Variants in ZFHX3 observed in about 807,000 individuals in gnomAD.
The protein encoded by ZFHX3 is zinc finger homeobox protein 3.
A neutral mutation model predicts 279.1 loss-of-function variants in ZFHX3; 42 were observed. The observed-to-expected ratio is 0.15, with a 90% confidence interval of 0.12 to 0.19. ZFHX3 has a LOEUF of 0.19. ZFHX3 is among the 10% of genes least tolerant of loss of function. The pLI, the probability that ZFHX3 is intolerant of heterozygous loss-of-function variation, is 1.00. For missense variants in ZFHX3, 4,981 were observed against 4,754.0 expected, an observed-to-expected ratio of 1.05 and a Z score of -1.40; for synonymous variants, 2,293 against 1,957.8, an observed-to-expected ratio of 1.17 and a Z score of -4.52.
At chr16:73,655,158 G>A (rs2052710735) in intron 2 of ZFHX3, among the ~76,000 whole-genome samples, 1 of 152,144 alleles carries the variant, frequency 6.6e-6, no homozygotes, top group South Asian at 2.1e-4. Context: ...ACCACACCCG[G>A]CCGTAATCAT....
chr16:73,840,360 C>T (rs1961271801), intron 1 of ZFHX3, among the ~76,000 whole-genome samples: 1 of 152,144 alleles, frequency 6.6e-6, no homozygotes, highest in Non-Finnish European at 1.5e-5. Context: ...AGTGGGACCA[C>T]CCCTTTAATG....
At position 73,092,896 on chromosome 16, in the gene ZFHX3, C is replaced by T. The variant is rs148823748; in HGVS notation, c.-533+339G>A. The stretch of plus-strand genomic sequence containing the variant: ...AATCTGAGAGGCTGTGTGTGTCCCA[C>T]GCGCTCCTGTTTTCCCAGCCACCCA... On this transcript the variant is annotated intron_variant, in intron 8 of 17. Transcript: ENST00000641206. 90 of 519,500 alleles carry T rather than the reference C, an allele frequency of 1.7e-4. No homozygotes were observed. The East Asian group carries it at 2.7e-3, about 15-fold the overall frequency. 32.2% of individuals were successfully genotyped at this position (519,500 alleles called of 1,614,324 possible).
chr16:73,378,577 T>TAA (rs2016764956), intron 3 of ZFHX3, among the ~76,000 whole-genome samples: 1 of 152,194 alleles, frequency 6.6e-6, no homozygotes, highest in Non-Finnish European at 1.5e-5. Context: ...AAATTTAAGA[T>TAA]AAAAGACATG....
At chr16:73,017,021 T>C (rs1024796490) in intron 1 of ZFHX3, among the ~76,000 whole-genome samples, 1 of 151,822 alleles carries the variant, frequency 6.6e-6, no homozygotes, top group Admixed American at 6.6e-5. Context: ...AGCCCAAGAT[T>C]TCAAGACCAG....
At chr16:73,677,191 A>G (rs2052963633) in intron 2 of ZFHX3, among the ~76,000 whole-genome samples, 1 of 150,884 alleles carries the variant, frequency 6.6e-6, no homozygotes, top group Admixed American at 6.7e-5. Context: ...CATCACAGGT[A>G]TATTTTAGGA....
chr16:73,879,859 G>T (rs959597599), intron 1 of ZFHX3, among the ~76,000 whole-genome samples: 1 of 151,894 alleles, frequency 6.6e-6, no homozygotes, highest in Non-Finnish European at 1.5e-5. Context: ...CAATCAACAA[G>T]GTCTCCAGAC....
At chr16:73,121,228 A>G (rs1672835835) in intron 7 of ZFHX3, among the ~76,000 whole-genome samples, 2 of 152,362 alleles carry the variant, frequency 1.3e-5, no homozygotes, top group South Asian at 4.1e-4. Flanking sequence ...ATACAAATTG[A>G]GATGTACTGT....
chr16:73,553,709 G>A (rs2020235530), intron 2 of ZFHX3, among the ~76,000 whole-genome samples: 1 of 152,198 alleles, frequency 6.6e-6, no homozygotes, highest in Non-Finnish European at 1.5e-5. Flanking sequence ...AAGCCGACTT[G>A]AGGACACGAT....
intron 8 of ZFHX3, among the ~76,000 whole-genome samples, chr16:73,066,047 C>A (rs776682468): frequency 3.3e-5 from 5 of 152,238 alleles, no homozygotes; most frequent in Non-Finnish European, 5.9e-5. Context: ...AGCGCACTGA[C>A]TGGGGCTCTG....
intron 4 of ZFHX3, among the ~76,000 whole-genome samples, chr16:73,313,129 T>C (rs2015364918): frequency 6.6e-6 from 1 of 152,170 alleles, no homozygotes; most frequent in African/African-American, 2.4e-5. Flanking sequence ...TTTAAAAGTG[T>C]GTGGCACCTC....
chr16:73,546,671 T>TTGCTGCTGCTGCTGCTGCTGCTGC (rs57427757), intron 2 of ZFHX3, among the ~76,000 whole-genome samples: 37 of 143,412 alleles, frequency 2.6e-4, no homozygotes, highest in Non-Finnish European at 1.8e-4. Context: ...GGTGCTGCTG[T>TTGCTGCTGCTGCTGCTGCTGCTGC]TGCTGCTGCT....
At chr16:72,974,568 A>AACACACACACACACACACACACACAC (rs59350988) in intron 1 of ZFHX3, among the ~76,000 whole-genome samples, 64 of 148,362 alleles carry the variant, frequency 4.3e-4, no homozygotes, top group Non-Finnish European at 7.6e-4. Context: ...CTGATAGGGC[A>AACACACACACACACACACACACACAC]ACACACACAC....
chr16:73,788,238 C>T (rs78225403), intron 1 of ZFHX3, among the ~76,000 whole-genome samples: 21,142 of 152,178 alleles, frequency 0.14, 1,883 homozygotes, highest in Non-Finnish European at 0.2. Flanking sequence ...CTCCTCCTGC[C>T]TTCCATTCTT....
intron 1 of ZFHX3, among the ~76,000 whole-genome samples, chr16:73,871,263 C>T (rs1386403780): frequency 4.6e-5 from 7 of 152,116 alleles, no homozygotes. Flanking sequence ...AATGAGCAGG[C>T]TATTAAGATC....
chr16:73,869,846 G>C (rs866032925), intron 1 of ZFHX3, among the ~76,000 whole-genome samples: 30 of 152,308 alleles, frequency 2.0e-4, no homozygotes, highest in African/African-American at 6.7e-4. Context: ...TCCTGCTTTA[G>C]CAAGTTTTTT....
At chr16:73,446,883 A>C (rs757194439) in intron 3 of ZFHX3, among the ~76,000 whole-genome samples, 1 of 152,128 alleles carries the variant, frequency 6.6e-6, no homozygotes, top group Non-Finnish European at 1.5e-5. Flanking sequence ...CCTGAACTTA[A>C]AAGTAAAACA....
rs754002611 is a variant in ZFHX3, at chr16:72,794,374, A to C, written c.8308T>G (p.Phe2770Val). 2.5e-6 allele frequency: 4 copies of C among 1,603,446 alleles called. No individual in the cohort carries two copies. In the East Asian group the frequency reaches 6.7e-5, roughly 27 times the overall value. Reference protein sequence around the residue: ...MKGDIFDGTSFSHLPPSSSDG... With the variant: ...MKGDIFDGTSVSHLPPSSSDG... ...CTACTGCTTGGGGGTAGGTGGGAAA[A>C]GCTAGTTCCGTCAAAAATATCTCCT... The change falls in exon 9 of 10, where the codon TTT becomes GTT. Residue 2770 changes from phenylalanine to valine, a missense_variant. Physicochemically the swap from Phe to Val is conservative, Grantham distance 50 (BLOSUM62 -1). This residue lies in a region of ZFHX3 where 744 missense variants were observed against 701.3 expected (regional missense o/e 1.06). Coordinates refer to ENST00000268489, the MANE Select transcript of ZFHX3 (RefSeq NM_006885.4). The surrounding 1 kb of genome is among the most constrained non-coding windows in gnomAD (Gnocchi z 4.2).
chr16:72,966,103 G>A (rs931296042), intron 1 of ZFHX3, among the ~76,000 whole-genome samples: 1 of 152,136 alleles, frequency 6.6e-6, no homozygotes, highest in African/African-American at 2.4e-5. Context: ...ACAGAGGTCC[G>A]TGTGTCTCGG....
intron 2 of ZFHX3, among the ~76,000 whole-genome samples, chr16:73,625,655 A>T (rs978639743): frequency 6.6e-6 from 1 of 152,184 alleles, no homozygotes; most frequent in Non-Finnish European, 1.5e-5. Context: ...TACTTAAAGT[A>T]CAGTCTGCAG....
Sources: gnomAD v4.1 joint callset for allele counts (sites outside exome capture counted in the v4.1 genomes callset) on GRCh38, gnomAD v4.1.1 for gene constraint, gnomAD v4.1.1 regional missense constraint, Gnocchi (gnomAD v3.1) non-coding constraint, MANE v1.5 for transcripts, NCBI Gene and HGNC (gene_info 2026-07-23, HGNC 2026-07-21) for gene names.